Variants in ST6GALNAC3 observed in about 807,000 individuals in gnomAD.
ST6GALNAC3 encodes ST6 N-acetylgalactosaminide alpha-2,6-sialyltransferase 3.
In ST6GALNAC3, 25 loss-of-function variants were observed where a neutral mutation model predicts 32.7. That is an observed-to-expected ratio of 0.76 (90% CI 0.56 to 1.07). The LOEUF is 1.07. Ranked by LOEUF, ST6GALNAC3 falls within the 50% of genes least tolerant of loss-of-function variation. The probability of loss-of-function intolerance (pLI) is 0.00; values close to 1 mark genes in which losing one functional copy is unlikely to be tolerated. For synonymous variants in ST6GALNAC3, 129 were observed against 133.1 expected, an observed-to-expected ratio of 0.97 and a Z score of 0.21; for missense variants, 355 against 382.4, an observed-to-expected ratio of 0.93 and a Z score of 0.60.
rs1483827688 is a variant in ST6GALNAC3 at position 76,270,357 on chromosome 1, A to G, written c.19-43448A>G. Reference sequence around the variant, plus strand: ...TCCCGACTCTGCTAAAAGTATAAAAATAAGCCAGGCATGGTGGCAGGTGCC... The same window carrying G: ...TCCCGACTCTGCTAAAAGTATAAAAGTAAGCCAGGCATGGTGGCAGGTGCC... On this transcript the variant is annotated intron_variant, in intron 1 of 4. Coordinates refer to ENST00000328299, the MANE Select transcript of ST6GALNAC3 (RefSeq NM_152996.4). Among the ~76,000 whole-genome samples the G allele has an allele frequency of 2.6e-5, 4 of 152,102 alleles. No homozygotes were observed. The East Asian group carries it at 5.8e-4, about 22-fold the overall frequency.
intron 1 of ST6GALNAC3, among the ~76,000 whole-genome samples, chr1:76,208,176 C>T (rs113193142): frequency 6.6e-6 from 1 of 152,222 alleles, no homozygotes; most frequent in Non-Finnish European, 1.5e-5. Context: ...CCTGGGCCTG[C>T]CCTCCTGAGG....
rs796746130 is a variant in ST6GALNAC3, at chr1:76,334,395, A to G, written c.213+20396A>G. Among the ~76,000 whole-genome samples the G allele has an allele frequency of 3.9e-5, 6 of 152,320 alleles. No homozygotes were observed. The South Asian group carries it at 8.3e-4, about 21-fold the overall frequency. On this transcript the variant is annotated intron_variant, in intron 2 of 4. Coordinates refer to ENST00000328299, the MANE Select transcript of ST6GALNAC3 (RefSeq NM_152996.4). ...AATCACAACAGCATACAATAATCCA[A>G]TGACAAATAGACCTTTTGATTTGGA...
At chr1:76,178,485 G>A (rs1046506335) in intron 1 of ST6GALNAC3, among the ~76,000 whole-genome samples, 9 of 152,326 alleles carry the variant, frequency 5.9e-5, no homozygotes, top group South Asian at 2.1e-4. Flanking sequence ...TCGCCAGACC[G>A]TGGGAGGTTT....
At chr1:76,136,201 A>G (rs1009269214) in intron 1 of ST6GALNAC3, among the ~76,000 whole-genome samples, 14 of 152,222 alleles carry the variant, frequency 9.2e-5, no homozygotes, top group Admixed American at 6.5e-4. Context: ...CCAGAAACCA[A>G]ATTCAAAGGG....
At chr1:76,386,494 A>C (rs974651274) in intron 2 of ST6GALNAC3, among the ~76,000 whole-genome samples, 1 of 152,134 alleles carries the variant, frequency 6.6e-6, no homozygotes, top group Non-Finnish European at 1.5e-5. Flanking sequence ...ATGAATTGTG[A>C]AGCTGCAAGC....
intron 1 of ST6GALNAC3, among the ~76,000 whole-genome samples, chr1:76,195,373 T>C (rs1273982239): frequency 6.6e-6 from 1 of 152,252 alleles, no homozygotes; most frequent in African/African-American, 2.4e-5. Flanking sequence ...TGTATTTACG[T>C]GTGTAGTAGA....
Position 76,565,979 on chromosome 1 carries a change from G to T in ST6GALNAC3, c.624-61473G>T, listed in dbSNP as rs186374103. Among the ~76,000 whole-genome samples the T allele has an allele frequency of 7.1e-4, 108 of 152,238 alleles. 1 individual carries two copies. The highest frequency in any genetic ancestry group is 2.2e-3 in the Admixed American group (33 of 15,296). On this transcript the variant is annotated intron_variant, in intron 3 of 4. Coordinates refer to ENST00000328299, the MANE Select transcript of ST6GALNAC3 (RefSeq NM_152996.4). ...TTGTATTTTTTGTTATTGTTTCAAG[G>T]GATAGGTTGATATTTTGATATCACT...
intron 3 of ST6GALNAC3, among the ~76,000 whole-genome samples, chr1:76,542,174 G>A (rs979141657): frequency 6.6e-6 from 1 of 152,138 alleles, no homozygotes; most frequent in African/African-American, 2.4e-5. Context: ...AATCTCAGAT[G>A]TTCTGGCTCT....
Position 76,128,049 on chromosome 1 carries a change from G to A in ST6GALNAC3, c.18+53165G>A, listed in dbSNP as rs1649368599. On this transcript the variant is annotated intron_variant, in intron 1 of 4. Coordinates refer to ENST00000328299, the MANE Select transcript of ST6GALNAC3 (RefSeq NM_152996.4). ...AGGAAGATCAGGCTGCCAATCCCAG[G>A]TGGGGATTATCAACCTGTGGAGGAT... is the stretch of plus-strand genomic sequence containing the variant. Among the ~76,000 whole-genome samples the A allele has an allele frequency of 2.0e-5, 3 of 152,190 alleles. No individual in the cohort carries two copies. In the South Asian group the frequency reaches 6.2e-4, roughly 32 times the overall value.
At chr1:76,307,360 A>C (rs946280749) in intron 1 of ST6GALNAC3, among the ~76,000 whole-genome samples, 1 of 152,142 alleles carries the variant, frequency 6.6e-6, no homozygotes, top group Non-Finnish European at 1.5e-5. Flanking sequence ...GTGCAAATGG[A>C]AAGAAGCTTT....
At chr1:76,114,739 T>C (rs1213714556) in intron 1 of ST6GALNAC3, among the ~76,000 whole-genome samples, 1 of 151,998 alleles carries the variant, frequency 6.6e-6, no homozygotes, top group Non-Finnish European at 1.5e-5. Flanking sequence ...TGAAACCCCA[T>C]CTGTACTAAA....
chr1:76,381,673 T>C (rs2101116772), intron 2 of ST6GALNAC3, among the ~76,000 whole-genome samples: 1 of 152,144 alleles, frequency 6.6e-6, no homozygotes, highest in South Asian at 2.1e-4. Context: ...GGGACCTCTG[T>C]GGGTTGTTTC....
At chr1:76,536,191 A>G (rs996445247) in intron 3 of ST6GALNAC3, among the ~76,000 whole-genome samples, 1 of 152,182 alleles carries the variant, frequency 6.6e-6, no homozygotes, top group African/African-American at 2.4e-5. Flanking sequence ...CTAGTTACCA[A>G]TAACGACCTA....
At chr1:76,590,553 A>G (rs931141532) in intron 3 of ST6GALNAC3, among the ~76,000 whole-genome samples, 1 of 152,234 alleles carries the variant, frequency 6.6e-6, no homozygotes, top group African/African-American at 2.4e-5. Context: ...CTTACTTCCA[A>G]TCAGAGCTGA....
intron 1 of ST6GALNAC3, among the ~76,000 whole-genome samples, chr1:76,213,561 C>A (rs934910880): frequency 1.2e-4 from 19 of 152,308 alleles, no homozygotes; most frequent in African/African-American, 4.6e-4. Context: ...ATCAAAGTAC[C>A]TATGCCAGTT....
chr1:76,130,432 C>G (rs1649537255), intron 1 of ST6GALNAC3, among the ~76,000 whole-genome samples: 1 of 152,190 alleles, frequency 6.6e-6, no homozygotes, highest in African/African-American at 2.4e-5. Context: ...TCCATCAACT[C>G]ATTTTGCAGA....
At chr1:76,175,033 A>G (rs1283898582) in intron 1 of ST6GALNAC3, among the ~76,000 whole-genome samples, 1 of 152,148 alleles carries the variant, frequency 6.6e-6, no homozygotes, top group Non-Finnish European at 1.5e-5. Flanking sequence ...TGGAAGTTCC[A>G]TTACTTACTT....
intron 3 of ST6GALNAC3, among the ~76,000 whole-genome samples, chr1:76,601,343 T>A (rs975984067): frequency 6.6e-5 from 10 of 152,234 alleles, no homozygotes; most frequent in Non-Finnish European, 1.3e-4. Context: ...TTAAATGAAA[T>A]GAGTAATGTA....
intron 1 of ST6GALNAC3, among the ~76,000 whole-genome samples, chr1:76,275,474 CATGCCAAA>C (rs1419370957): frequency 6.6e-6 from 1 of 152,146 alleles, no homozygotes; most frequent in Non-Finnish European, 1.5e-5. Context: ...CTGTTAGTAC[CATGCCAAA>C]ATTCTGGTCA....
Sources: gnomAD v4.1 joint callset for allele counts (sites outside exome capture counted in the v4.1 genomes callset) on GRCh38, gnomAD v4.1.1 for gene constraint, MANE v1.5 for transcripts, NCBI Gene and HGNC (gene_info 2026-07-23, HGNC 2026-07-21) for gene names.